The following METTL15 variants were observed in gnomAD, a reference collection of about 807,000 sequenced individuals.
METTL15 encodes the protein 12S rRNA N(4)-cytidine methyltransferase METTL15.
Under a neutral mutation model 38.3 loss-of-function variants are expected in METTL15, and 34 were observed. The observed-to-expected ratio is 0.89, with a 90% CI of 0.68 to 1.18. METTL15 has a LOEUF of 1.18. Among genes scored for constraint, METTL15 ranks in the 50% most tolerant of loss-of-function variants. METTL15 has a pLI of 0.00. For synonymous variants in METTL15, 162 were observed against 170.9 expected, an observed-to-expected ratio of 0.95 and a Z score of 0.41; for missense variants, 438 against 498.4, an observed-to-expected ratio of 0.88 and a Z score of 1.15.
chr11:28,352,673 C>T (rs1850052077), intron 4 of METTL15, among the ~76,000 whole-genome samples: 1 of 152,182 alleles, frequency 6.6e-6, no homozygotes, highest in Non-Finnish European at 1.5e-5. Context: ...ATTCTGATTT[C>T]TCCCAGTACC....
At chr11:28,179,776 G>T (rs1391317676) in intron 3 of METTL15, among the ~76,000 whole-genome samples, 1 of 151,722 alleles carries the variant, frequency 6.6e-6, no homozygotes, top group Non-Finnish European at 1.5e-5. Context: ...TTTTCCAGGA[G>T]CATATAGCTA....
At position 28,420,810 on chromosome 11, in the gene METTL15, C is replaced by T. The variant is rs140115771; in HGVS notation, c.*359-3489C>T. ...CAACCCAGCAATGCATCCTAAAGAA[C>T]TAGGAAAGCAAGAGCAAACCAAATC... On this transcript the variant is annotated intron_variant and NMD_transcript_variant, in intron 5 of 7. Coordinates refer to the METTL15 transcript ENST00000532947. Among the ~76,000 whole-genome samples the T allele has an allele frequency of 3.5e-3, 525 of 151,962 alleles. 1 individual carries two copies. Among genetic ancestry groups the T allele is most frequent in the Non-Finnish European group, 6.1e-3 (411 of 67,904 alleles).
At chr11:28,532,144 C>T in the METTL15 span, among the ~76,000 whole-genome samples, 1 of 152,090 alleles carries the variant, frequency 6.6e-6, no homozygotes, top group Non-Finnish European at 1.5e-5. Context: ...AAACCATCTC[C>T]ATGATGTCTG....
intron 3 of METTL15, among the ~76,000 whole-genome samples, chr11:28,198,734 GT>G (rs1851997286): frequency 6.6e-6 from 1 of 152,070 alleles, no homozygotes; most frequent in Admixed American, 6.6e-5. Flanking sequence ...AGAAATGTTT[GT>G]TAAAAAATGT....
At chr11:28,530,211 AAG>A (rs1851836801), downstream of METTL15, among the ~76,000 whole-genome samples, 2 of 152,196 alleles carry the variant, frequency 1.3e-5, no homozygotes, top group Admixed American at 1.3e-4. Flanking sequence ...AAAATTCTTA[AAG>A]AGAGAGACAG....
intron 3 of METTL15, among the ~76,000 whole-genome samples, chr11:28,148,005 C>T (rs1849947223): frequency 6.6e-6 from 1 of 151,840 alleles, no homozygotes; most frequent in Non-Finnish European, 1.5e-5. Context: ...TGAGGGTCCA[C>T]ACAGTTTTCT....
chr11:28,162,338 G>C (rs769287827), intron 3 of METTL15, among the ~76,000 whole-genome samples: 1 of 152,122 alleles, frequency 6.6e-6, no homozygotes, highest in African/African-American at 2.4e-5. Flanking sequence ...AAGAAACAGA[G>C]TATGGTAGGT....
intron 5 of METTL15, among the ~76,000 whole-genome samples, chr11:28,423,594 C>T (rs1850839654): frequency 6.6e-6 from 1 of 151,898 alleles, no homozygotes; most frequent in South Asian, 2.1e-4. Flanking sequence ...GTGAAATAAT[C>T]CAAGAATAGA....
intron 6 of METTL15, chr11:28,517,331 T>A (rs368240821): frequency 3.3e-5 from 5 of 152,124 alleles, no homozygotes; most frequent in African/African-American, 9.7e-5. Flanking sequence ...TTTTTTAATT[T>A]ATTTATTTTT....
intron 4 of METTL15, among the ~76,000 whole-genome samples, chr11:28,230,156 TCATTACTGA>T (rs1458134095): frequency 6.6e-6 from 1 of 151,970 alleles, no homozygotes; most frequent in African/African-American, 2.4e-5. Context: ...TTTATTTAGC[TCATTACTGA>T]CATGAGGAGA....
At chr11:28,345,896 G>A (rs1332702540) in intron 3 of METTL15, among the ~76,000 whole-genome samples, 1 of 152,146 alleles carries the variant, frequency 6.6e-6, no homozygotes, top group Non-Finnish European at 1.5e-5. Flanking sequence ...AGTAATCACA[G>A]CATATATGAG....
intron 4 of METTL15, among the ~76,000 whole-genome samples, chr11:28,245,184 G>A (rs1854459888): frequency 1.3e-5 from 2 of 152,126 alleles, no homozygotes. Flanking sequence ...TCAAAATCCA[G>A]CTCTACCCTT....
chr11:28,430,704 C>T (rs1411881275), intron 6 of METTL15, among the ~76,000 whole-genome samples: 5 of 117,732 alleles, frequency 4.2e-5, no homozygotes, highest in African/African-American at 9.9e-5. Context: ...CCCGGCCAGC[C>T]GCCCCGTCTG....
At chr11:28,462,596 A>G (rs1851225610) in intron 6 of METTL15, among the ~76,000 whole-genome samples, 1 of 152,052 alleles carries the variant, frequency 6.6e-6, no homozygotes, top group Admixed American at 6.6e-5. Context: ...AAATACAGGA[A>G]GTGGGCCTGA....
intron 4 of METTL15, among the ~76,000 whole-genome samples, chr11:28,218,082 C>G (rs895098976): frequency 1.3e-5 from 2 of 152,042 alleles, no homozygotes; most frequent in Non-Finnish European, 2.9e-5. Context: ...TAGTTTTTTC[C>G]TATTCCGAGA....
At chr11:28,440,334 T>A (rs1027524150) in intron 6 of METTL15, among the ~76,000 whole-genome samples, 6 of 152,294 alleles carry the variant, frequency 3.9e-5, no homozygotes, top group African/African-American at 1.2e-4. Context: ...AAAAATTGCT[T>A]ACTATGAATT....
chr11:28,265,236 C>T (rs1006729134), intron 4 of METTL15, among the ~76,000 whole-genome samples: 2 of 151,624 alleles, frequency 1.3e-5, no homozygotes, highest in African/African-American at 4.8e-5. Flanking sequence ...ACTTGATCCT[C>T]ATTCCCATCA....
intron 6 of METTL15, among the ~76,000 whole-genome samples, chr11:28,467,370 T>A (rs1199323868): frequency 3.3e-5 from 5 of 152,174 alleles, no homozygotes; most frequent in African/African-American, 1.2e-4. Flanking sequence ...CGTGGGCAAC[T>A]CCCACCCAGT....
At chr11:28,462,013 G>A (rs377221130) in intron 6 of METTL15, among the ~76,000 whole-genome samples, 195 of 121,702 alleles carry the variant, frequency 1.6e-3, no homozygotes, top group African/African-American at 2.9e-3. Context: ...AACTTTGCCC[G>A]GGTGCCCTTG....
Sources: gnomAD v4.1 joint callset for allele counts (sites outside exome capture counted in the v4.1 genomes callset) on GRCh38, gnomAD v4.1.1 for gene constraint, MANE v1.5 for transcripts, NCBI Gene and HGNC (gene_info 2026-07-23, HGNC 2026-07-21) for gene names.